COG6: variants seen among roughly 807,000 people sequenced by gnomAD.
The protein encoded by COG6 is component of oligomeric golgi complex 6, also known as conserved oligomeric Golgi complex subunit 6.
COG6 carries 74 observed loss-of-function variants against 88.8 expected under a neutral mutation model. That is an observed-to-expected ratio of 0.83 (90% CI 0.69 to 1.01). The LOEUF (loss-of-function observed/expected upper bound fraction) is 1.01, where lower values mean the gene tolerates loss of function less well. Ranked by LOEUF, COG6 falls within the 50% of genes least tolerant of loss-of-function variation. The probability of loss-of-function intolerance (pLI) is 0.00; values close to 1 mark genes in which losing one functional copy is unlikely to be tolerated. For missense variants in COG6, 800 were observed against 797.9 expected, an observed-to-expected ratio of 1.00 and a Z score of -0.03; for synonymous variants, 286 against 278.7, an observed-to-expected ratio of 1.03 and a Z score of -0.26.
intron 18 of COG6, among the ~76,000 whole-genome samples, chr13:39,736,975 A>G: frequency 6.6e-6 from 1 of 152,148 alleles, no homozygotes; most frequent in African/African-American, 2.4e-5. Flanking sequence ...AGGCTTTCCA[A>G]GTATTCAAGG....
chr13:39,689,246 A>G (rs1194863968), intron 10 of COG6, among the ~76,000 whole-genome samples: 2 of 152,192 alleles, frequency 1.3e-5, no homozygotes, highest in Non-Finnish European at 2.9e-5. Context: ...AATGAAGGTG[A>G]TTACAAGCAG....
chr13:39,758,794 T>A (rs1012117147), intron 18 of COG6, among the ~76,000 whole-genome samples: 4 of 152,174 alleles, frequency 2.6e-5, no homozygotes, highest in African/African-American at 4.8e-5. Context: ...TGGCAGCACT[T>A]ATAATAACTG....
chr13:39,684,882 A>G (rs1290588938), intron 8 of COG6, among the ~76,000 whole-genome samples: 1 of 152,240 alleles, frequency 6.6e-6, no homozygotes, highest in Non-Finnish European at 1.5e-5. Context: ...TATGTGGTGT[A>G]TAACTGGAAT....
At chr13:39,739,366 A>G (rs1459626378) in intron 18 of COG6, among the ~76,000 whole-genome samples, 1 of 152,148 alleles carries the variant, frequency 6.6e-6, no homozygotes, top group African/African-American at 2.4e-5. Flanking sequence ...GCCCTTTACA[A>G]GAGACCATTT....
At chr13:39,691,096 C>T (rs1194645642) in intron 11 of COG6, among the ~76,000 whole-genome samples, 1 of 151,600 alleles carries the variant, frequency 6.6e-6, no homozygotes, top group African/African-American at 2.4e-5. Context: ...TTTCTTTTTA[C>T]AATTTTTCTA....
At chr13:39,670,420 T>C (rs1875555652) in intron 4 of COG6, among the ~76,000 whole-genome samples, 1 of 152,086 alleles carries the variant, frequency 6.6e-6, no homozygotes, top group Admixed American at 6.6e-5. Flanking sequence ...TATGTTAAAA[T>C]GGAAAGAATA....
At chr13:39,669,338 A>G (rs1875477497) in intron 4 of COG6, among the ~76,000 whole-genome samples, 1 of 152,252 alleles carries the variant, frequency 6.6e-6, no homozygotes, top group Non-Finnish European at 1.5e-5. Context: ...AATTGTGATT[A>G]AAACTAAGAG....
At chr13:39,779,811 C>T (rs1433653088) in intron 18 of COG6, among the ~76,000 whole-genome samples, 1 of 152,202 alleles carries the variant, frequency 6.6e-6, no homozygotes, top group Admixed American at 6.5e-5. Context: ...TCATTCACCT[C>T]AATTTCACCT....
chr13:39,720,588 T>C (rs1878799184), intron 15 of COG6, among the ~76,000 whole-genome samples: 1 of 152,068 alleles, frequency 6.6e-6, no homozygotes, highest in Non-Finnish European at 1.5e-5. Flanking sequence ...TTTCCATATT[T>C]GTGGTTTAAA....
At chr13:39,680,145 C>A in intron 7 of COG6, 100 bp downstream of exon 7, 1 of 396,170 alleles carries the variant, frequency 2.5e-6, no homozygotes, top group South Asian at 2.8e-5. Flanking sequence ...TTTTAGTAAT[C>A]AAACATTTTT....
chr13:39,772,352 C>A (rs1881342429), intron 18 of COG6, among the ~76,000 whole-genome samples: 3 of 152,182 alleles, frequency 2.0e-5, no homozygotes, highest in Non-Finnish European at 4.4e-5. Flanking sequence ...CAATAAACAT[C>A]TCTTGAGTCC....
intron 18 of COG6, among the ~76,000 whole-genome samples, chr13:39,737,778 A>G (rs1879840043): frequency 6.6e-6 from 1 of 151,852 alleles, no homozygotes. Context: ...TTTATTTCAG[A>G]TCCCAGAGCA....
intron 11 of COG6, among the ~76,000 whole-genome samples, chr13:39,691,882 A>G (rs571470645): frequency 2.6e-5 from 4 of 151,968 alleles, no homozygotes; most frequent in Non-Finnish European, 5.9e-5. Context: ...CTAATGACAT[A>G]TGATATTGGA....
intron 18 of COG6, 61 bp from the exon 19 acceptor site, chr13:39,750,885 A>C (rs1880584643): frequency 2.3e-6 from 3 of 1,324,690 alleles, no homozygotes; most frequent in Middle Eastern, 1.9e-4. Context: ...GCTGTCTTAC[A>C]ATTCTTAGTA....
At chr13:39,789,564 C>CACCTGCTCTGCCCTGACTCATTCCGATT (rs1881878999) in exon 19 of COG6, 5 of 149,522 alleles carry the variant, frequency 3.3e-5, no homozygotes, top group African/African-American at 1.2e-4. Context: ...TCATTCCCAT[C>CACCTGCTCTGCCCTGACTCATTCCGATT]ACCTGCTCCA....
intron 13 of COG6, among the ~76,000 whole-genome samples, chr13:39,710,538 C>T (rs950613539): frequency 6.6e-6 from 1 of 151,842 alleles, no homozygotes; most frequent in African/African-American, 2.4e-5. Context: ...CAAAAGTGGC[C>T]TACTATAGAG....
chr13:39,685,817 A>C (rs1010103736), intron 8 of COG6, among the ~76,000 whole-genome samples: 4 of 152,222 alleles, frequency 2.6e-5, no homozygotes. Context: ...AGTAAATGCA[A>C]GGCAATTATG....
chr13:39,778,597 A>T (rs190223502), intron 18 of COG6, among the ~76,000 whole-genome samples: 1 of 152,372 alleles, frequency 6.6e-6, no homozygotes, highest in East Asian at 1.9e-4. Context: ...TAGAAGCTGT[A>T]TTAGTTATCT....
At chr13:39,715,157 A>G (rs1288526769) in intron 13 of COG6, among the ~76,000 whole-genome samples, 1 of 152,058 alleles carries the variant, frequency 6.6e-6, no homozygotes, top group Non-Finnish European at 1.5e-5. Flanking sequence ...GCCACAGTAC[A>G]ATCATCCATG....
Sources: allele counts gnomAD v4.1 joint callset (sites outside exome capture counted in the v4.1 genomes callset), GRCh38; gene constraint gnomAD v4.1.1; transcripts MANE v1.5; gene names NCBI Gene and HGNC (gene_info 2026-07-23, HGNC 2026-07-21).